AGMO: variants seen among roughly 807,000 people sequenced by gnomAD.
AGMO encodes glyceryl-ether monooxygenase.
Under a neutral mutation model 60.2 loss-of-function variants are expected in AGMO, and 75 were observed. The observed-to-expected ratio is 1.25, with a 90% CI of 1.03 to 1.51. The LOEUF (loss-of-function observed/expected upper bound fraction) is 1.51, where lower values mean the gene tolerates loss of function less well. Among genes scored for constraint, AGMO ranks in the 40% most tolerant of loss-of-function variants. The pLI, the probability that AGMO is intolerant of heterozygous loss-of-function variation, is 0.00. For synonymous variants in AGMO, 261 were observed against 177.1 expected (o/e 1.47, Z -3.76); for missense variants, 763 against 525.5 (o/e 1.45, Z -4.42).
intron 3 of AGMO, among the ~76,000 whole-genome samples, chr7:15,484,479 G>A (rs1409320147): frequency 6.6e-6 from 1 of 152,154 alleles, no homozygotes; most frequent in Non-Finnish European, 1.5e-5. Context: ...TATCTGGATG[G>A]TGGATATATG....
the AGMO span, among the ~76,000 whole-genome samples, chr7:15,160,394 T>C: frequency 7.9e-5 from 12 of 152,312 alleles, no homozygotes; most frequent in Admixed American, 5.2e-4. Context: ...CAAAGAAGTA[T>C]TAAAAACTAT....
intron 12 of AGMO, among the ~76,000 whole-genome samples, chr7:15,231,691 A>C (rs1477449599): frequency 6.6e-6 from 1 of 152,220 alleles, no homozygotes; most frequent in Non-Finnish European, 1.5e-5. Context: ...TAGATCTTCT[A>C]GGCATTACTA....
chr7:15,392,983 G>T (rs879913716), intron 6 of AGMO, among the ~76,000 whole-genome samples: 4 of 152,178 alleles, frequency 2.6e-5, no homozygotes, highest in Non-Finnish European at 5.9e-5. Context: ...CATGGTTTAT[G>T]GAATATAGTA....
At chr7:15,331,856 G>A (rs1781506153) in intron 12 of AGMO, among the ~76,000 whole-genome samples, 1 of 151,968 alleles carries the variant, frequency 6.6e-6, no homozygotes, top group African/African-American at 2.4e-5. Context: ...AACCTGGGAG[G>A]GAGAGGTTGC....
At chr7:15,555,762 A>G (rs536873014) in intron 2 of AGMO, among the ~76,000 whole-genome samples, 45 of 152,104 alleles carry the variant, frequency 3.0e-4, no homozygotes, top group African/African-American at 1.1e-3. Flanking sequence ...CCTTGCATTC[A>G]CCAGGGAAGG....
At chr7:15,249,697 G>A (rs375051066) in intron 12 of AGMO, among the ~76,000 whole-genome samples, 98 of 152,128 alleles carry the variant, frequency 6.4e-4, no homozygotes, top group African/African-American at 2.0e-3. Context: ...TGATGGGGGG[G>A]AAATAAAAGG....
At chr7:15,214,559 T>C (rs1259616954) in intron 12 of AGMO, among the ~76,000 whole-genome samples, 1 of 151,968 alleles carries the variant, frequency 6.6e-6, no homozygotes, top group East Asian at 1.9e-4. Context: ...CAAAGGAAAG[T>C]CTATATGCAG....
chr7:15,501,491 AT>A (rs1023886901), intron 3 of AGMO, among the ~76,000 whole-genome samples: 2 of 151,938 alleles, frequency 1.3e-5, no homozygotes, highest in African/African-American at 2.4e-5. Flanking sequence ...TAAAAAAAAA[AT>A]CAAATGTGAG....
the AGMO span, among the ~76,000 whole-genome samples, chr7:15,131,887 G>A: frequency 1.3e-5 from 2 of 151,902 alleles, no homozygotes; most frequent in African/African-American, 4.8e-5. Context: ...CTGAGTTGAG[G>A]AAATGCAACC....
intron 12 of AGMO, among the ~76,000 whole-genome samples, chr7:15,202,863 C>T (rs1217882050): frequency 6.6e-6 from 1 of 152,046 alleles, no homozygotes; most frequent in Non-Finnish European, 1.5e-5. Flanking sequence ...TTTTTGAAAG[C>T]TCTTAGACTT....
intron 12 of AGMO, among the ~76,000 whole-genome samples, chr7:15,206,344 TACAA>T (rs1200465739): frequency 1.7e-5 from 2 of 116,426 alleles, no homozygotes; most frequent in East Asian, 4.4e-4. Context: ...ATTCTATATA[TACAA>T]ACATATTTAT....
chr7:15,204,950 C>T (rs1009589209), intron 12 of AGMO, among the ~76,000 whole-genome samples: 1 of 152,144 alleles, frequency 6.6e-6, no homozygotes, highest in African/African-American at 2.4e-5. Context: ...ATCTCAGCCT[C>T]CCTAGTTGGG....
intron 12 of AGMO, among the ~76,000 whole-genome samples, chr7:15,258,091 C>T (rs2128508660): frequency 6.6e-6 from 1 of 152,276 alleles, no homozygotes; most frequent in Admixed American, 6.5e-5. Flanking sequence ...CTTATAACAA[C>T]ACTATCCGTA....
chr7:15,358,818 A>T (rs142952988), intron 12 of AGMO, among the ~76,000 whole-genome samples: 13 of 152,240 alleles, frequency 8.5e-5, no homozygotes, highest in African/African-American at 3.1e-4. Flanking sequence ...ACCTGTCTTA[A>T]TTTTGCTTGC....
chr7:15,518,380 C>T (rs1019497310), intron 3 of AGMO, among the ~76,000 whole-genome samples: 1 of 152,176 alleles, frequency 6.6e-6, no homozygotes, highest in Non-Finnish European at 1.5e-5. Context: ...GACTGGGAGA[C>T]ACCTCCCAGC....
the AGMO span, among the ~76,000 whole-genome samples, chr7:15,190,286 A>C: frequency 6.7e-6 from 1 of 149,324 alleles, no homozygotes; most frequent in South Asian, 2.1e-4. Flanking sequence ...ATATCAGAAG[A>C]AATGCACATT....
intron 3 of AGMO, among the ~76,000 whole-genome samples, chr7:15,432,361 T>TATACATACATATATACATACACAC (rs370437254): frequency 4.8e-5 from 6 of 123,940 alleles, no homozygotes; most frequent in African/African-American, 1.8e-4. Context: ...CATATATATA[T>TATACATACATATATACATACACAC]ACACACACAT....
intron 3 of AGMO, among the ~76,000 whole-genome samples, chr7:15,534,407 C>T (rs1784437092): frequency 6.6e-6 from 1 of 151,852 alleles, no homozygotes; most frequent in Non-Finnish European, 1.5e-5. Flanking sequence ...AGAAAGAAAT[C>T]AAATTCCATG....
intron 12 of AGMO, among the ~76,000 whole-genome samples, chr7:15,296,895 A>G (rs1207693631): frequency 6.6e-6 from 1 of 152,118 alleles, no homozygotes; most frequent in African/African-American, 2.4e-5. Flanking sequence ...TCTTTCTTCC[A>G]TTTTTCCACA....
Sources: gnomAD v4.1 joint callset for allele counts (sites outside exome capture counted in the v4.1 genomes callset) on GRCh38, gnomAD v4.1.1 for gene constraint, MANE v1.5 for transcripts, NCBI Gene and HGNC (gene_info 2026-07-23, HGNC 2026-07-21) for gene names.